The following CAMK2G variants were observed in gnomAD, a reference collection of about 807,000 sequenced individuals.
CAMK2G encodes calcium/calmodulin dependent protein kinase II gamma, also known as calcium/calmodulin-dependent protein kinase type II subunit gamma.
In CAMK2G, 23 loss-of-function variants were observed where a neutral mutation model predicts 88.7. That is an observed-to-expected ratio of 0.26 (90% CI 0.19 to 0.37). The LOEUF is 0.37. Ranked by LOEUF, CAMK2G falls within the 10% of genes least tolerant of loss-of-function variation. CAMK2G has a pLI of 1.00. For synonymous variants in CAMK2G, 263 were observed against 294.8 expected, an observed-to-expected ratio of 0.89 and a Z score of 1.11; for missense variants, 476 against 780.8, an observed-to-expected ratio of 0.61 and a Z score of 4.65.
chr10:73,861,381 A>T (rs2095365151), intron 2 of CAMK2G, among the ~76,000 whole-genome samples: 1 of 151,954 alleles, frequency 6.6e-6, no homozygotes, highest in Non-Finnish European at 1.5e-5. Flanking sequence ...TCTGAGACGG[A>T]GTCTCGTTCT....
intron 14 of CAMK2G, among the ~76,000 whole-genome samples, chr10:73,832,402 G>C (rs368403549): frequency 2.0e-5 from 3 of 152,074 alleles, no homozygotes; most frequent in African/African-American, 7.2e-5. Flanking sequence ...CGACTCCCTA[G>C]TTCAAACGAT....
At chr10:73,871,719 C>T (rs531281144) in intron 2 of CAMK2G, among the ~76,000 whole-genome samples, 12 of 151,860 alleles carry the variant, frequency 7.9e-5, no homozygotes, top group Non-Finnish European at 1.5e-4. Context: ...ACAAACAAGT[C>T]CAACTTTATA....
intron 5 of CAMK2G, among the ~76,000 whole-genome samples, chr10:73,851,731 T>C (rs2094630532): frequency 1.6e-5 from 2 of 123,536 alleles, no homozygotes; most frequent in African/African-American, 3.1e-5. Context: ...AAACATTCAT[T>C]TGGAAGTGAT....
chr10:73,819,751 G>C (rs538579770), intron 18 of CAMK2G, 106 bp from the exon 19 acceptor site: 12 of 692,730 alleles, frequency 1.7e-5, no homozygotes, highest in Non-Finnish European at 2.8e-5. Flanking sequence ...CCATGGCGCT[G>C]CAGAGCCGGG....
chr10:73,828,339 G>C (rs994294285), intron 14 of CAMK2G, among the ~76,000 whole-genome samples: 3 of 152,182 alleles, frequency 2.0e-5, no homozygotes, highest in Admixed American at 1.3e-4. Flanking sequence ...TTTGTGGTCA[G>C]GTTCATAGAC....
chr10:73,846,072 C>T (rs1285015388), intron 10 of CAMK2G, among the ~76,000 whole-genome samples: 1 of 152,122 alleles, frequency 6.6e-6, no homozygotes, highest in Non-Finnish European at 1.5e-5. Flanking sequence ...CACATGCCAC[C>T]ATGCCTGGCA....
chr10:73,857,056 T>G (rs2095086806), intron 3 of CAMK2G, among the ~76,000 whole-genome samples: 1 of 152,232 alleles, frequency 6.6e-6, no homozygotes, highest in African/African-American at 2.4e-5. Context: ...AAGAGCTTAC[T>G]GTGGCAGGGC....
chr10:73,874,320 G>C (rs2096001049), intron 1 of CAMK2G, 77 bp downstream of exon 1: 8 of 1,042,186 alleles, frequency 7.7e-6, no homozygotes, highest in Non-Finnish European at 1.0e-5. Context: ...GCCGGTGCAG[G>C]GCCGGGGGGC....
intron 14 of CAMK2G, chr10:73,837,141 T>C (rs1393236530): frequency 6.2e-6 from 2 of 322,656 alleles, no homozygotes; most frequent in African/African-American, 4.1e-5. Flanking sequence ...AAAAGAAAGA[T>C]AACCAAATGA....
At chr10:73,830,970 GC>G (rs1431204903) in intron 14 of CAMK2G, among the ~76,000 whole-genome samples, 5 of 152,196 alleles carry the variant, frequency 3.3e-5, no homozygotes, top group African/African-American at 9.7e-5. Flanking sequence ...AATCCATGAT[GC>G]TGAAAGCTCA....
intron 15 of CAMK2G, among the ~76,000 whole-genome samples, chr10:73,826,536 G>C (rs985123226): frequency 6.6e-6 from 1 of 152,156 alleles, no homozygotes; most frequent in Non-Finnish European, 1.5e-5. Context: ...GATCTCCAGG[G>C]CAGGGAGCCA....
intron 4 of CAMK2G, chr10:73,852,695 G>A (rs1244175380): frequency 1.8e-5 from 5 of 273,680 alleles, no homozygotes; most frequent in Non-Finnish European, 3.5e-5. Context: ...TGAAGTTGAA[G>A]AGTAATGAGA....
At chr10:73,849,216 C>A (rs1555049861) in intron 6 of CAMK2G, 45 bp downstream of exon 6, 1 of 1,587,016 alleles carries the variant, frequency 6.3e-7, no homozygotes, top group South Asian at 1.1e-5. Context: ...CCAGGTGGCG[C>A]CAACACTTCA....
At chr10:73,854,937 T>C (rs2094917224) in intron 3 of CAMK2G, among the ~76,000 whole-genome samples, 1 of 152,160 alleles carries the variant, frequency 6.6e-6, no homozygotes, top group Non-Finnish European at 1.5e-5. Context: ...CCAATCTCAG[T>C]ATTTCTGGGA....
At chr10:73,823,812 A>G (rs2089993416) in intron 17 of CAMK2G, among the ~76,000 whole-genome samples, 1 of 152,240 alleles carries the variant, frequency 6.6e-6, no homozygotes. Context: ...GATAAAGGAT[A>G]CTAAGGTGCA....
In CAMK2G at chr10:73,842,144, A is replaced by G. The variant is rs1382166075; in HGVS notation, c.946+25T>C. Reference sequence around the variant, plus strand: ...CTGATCCACTCACCTCGGCATAATCAAAGTACACAGCTGGGAAAACATACC... The same window carrying G: ...CTGATCCACTCACCTCGGCATAATCGAAGTACACAGCTGGGAAAACATACC... On this transcript the variant is annotated intron_variant, in intron 12 of 22. Transcript: ENST00000423381. This position sits in a 1 kb window ranked among gnomAD's most constrained non-coding sequence, Gnocchi z 4.6. 7 of 1,599,278 alleles carry G rather than the reference A, an allele frequency of 4.4e-6. No individual in the cohort carries two copies. Among genetic ancestry groups the G allele is most frequent in the East Asian group, 2.2e-5 (1 of 44,822 alleles).
At position 73,842,409 on chromosome 10, in the gene CAMK2G, G is replaced by T; in HGVS notation, c.903+49C>A. 1.4e-6 allele frequency: 2 copies of T among 1,399,144 alleles called. No individual in the cohort carries two copies. The highest frequency in any genetic ancestry group is 2.0e-6 in the Non-Finnish European group (2 of 983,804). 86.7% of individuals were successfully genotyped at this position (1,399,144 alleles called of 1,614,324 possible). Reference sequence around the variant, plus strand: ...CTGAAATGGGGCAGGAGCCACACTGGTGCAAGGCATGATGTCAAGGAGGCT... The same window carrying T: ...CTGAAATGGGGCAGGAGCCACACTGTTGCAAGGCATGATGTCAAGGAGGCT... On this transcript the variant is annotated intron_variant, in intron 11 of 22. Transcript: ENST00000423381. This position sits in a 1 kb window ranked among gnomAD's most constrained non-coding sequence, Gnocchi z 4.6.
chr10:73,869,391 C>G (rs768683837), intron 2 of CAMK2G, among the ~76,000 whole-genome samples: 4 of 152,240 alleles, frequency 2.6e-5, no homozygotes, highest in African/African-American at 9.6e-5. Flanking sequence ...ATCTCCCACT[C>G]TGCCTTATGC....
chr10:73,826,250 T>C (rs760134294), intron 15 of CAMK2G, among the ~76,000 whole-genome samples: 11 of 152,094 alleles, frequency 7.2e-5, no homozygotes, highest in Non-Finnish European at 1.3e-4. Flanking sequence ...CTGGCCAACA[T>C]GGTGAAACCC....
Sources: allele counts gnomAD v4.1 joint callset (sites outside exome capture counted in the v4.1 genomes callset), GRCh38; gene constraint gnomAD v4.1.1; non-coding constraint Gnocchi (gnomAD v3.1); transcripts MANE v1.5; gene names NCBI Gene and HGNC (gene_info 2026-07-23, HGNC 2026-07-21).